Variants in FOXP2 observed in about 807,000 individuals in gnomAD.
The protein encoded by FOXP2 is forkhead box protein P2.
Under a neutral mutation model 115.8 loss-of-function variants are expected in FOXP2, and 12 were observed. The observed-to-expected ratio is 0.10, with a 90% CI of 0.07 to 0.17. FOXP2 has a LOEUF of 0.17. Among genes scored for constraint, FOXP2 ranks in the 10% least tolerant of loss-of-function variants. FOXP2 has a pLI of 1.00. For missense variants in FOXP2, 629 were observed against 843.5 expected (o/e 0.75, Z 3.15); for synonymous variants, 328 against 297.7 (o/e 1.10, Z -1.05).
At chr7:114,168,572 C>G (rs1389708287) in intron 1 of FOXP2, among the ~76,000 whole-genome samples, 4 of 152,100 alleles carry the variant, frequency 2.6e-5, no homozygotes, top group Non-Finnish European at 5.9e-5. Context: ...TAAAGGCATT[C>G]AATTTCATGA....
intron 16 of FOXP2, among the ~76,000 whole-genome samples, chr7:114,680,201 A>G (rs543673521): frequency 2.4e-4 from 36 of 152,212 alleles, no homozygotes; most frequent in Non-Finnish European, 5.0e-4. Flanking sequence ...GGAGCTGGCT[A>G]TGCCTTTTTA....
chr7:114,690,279 A>C lies in FOXP2; in HGVS notation c.*353A>C, dbSNP rs1279078178. Reference sequence around the variant, plus strand: ...CTGAATATGAGGATACATGTCCTGTAGAAAGCAAATGCGCCTCATATACTG... The same window carrying C: ...CTGAATATGAGGATACATGTCCTGTCGAAAGCAAATGCGCCTCATATACTG... On this transcript the variant is annotated 3_prime_UTR_variant, in exon 17 of 17. Transcript: ENST00000350908. The C allele has an allele frequency of 2.2e-6, 1 of 461,116 alleles. No homozygotes were observed. The highest frequency in any genetic ancestry group is 2.3e-5 in the Admixed American group (1 of 42,710). 28.6% of individuals were successfully genotyped at this position (461,116 alleles called of 1,614,324 possible).
chr7:114,303,921 C>T (rs1796937889), intron 2 of FOXP2, among the ~76,000 whole-genome samples: 2 of 151,994 alleles, frequency 1.3e-5, no homozygotes, highest in Non-Finnish European at 2.9e-5. Context: ...CATTTTATGG[C>T]TGCAGGCTTT....
chr7:114,578,200 C>G (rs1801669785), intron 3 of FOXP2, among the ~76,000 whole-genome samples: 1 of 151,866 alleles, frequency 6.6e-6, no homozygotes, highest in Non-Finnish European at 1.5e-5. Context: ...CTCTTAAACT[C>G]TTTTATATTG....
chr7:114,250,853 T>C (rs535558813), intron 1 of FOXP2, among the ~76,000 whole-genome samples: 1 of 152,362 alleles, frequency 6.6e-6, no homozygotes, highest in South Asian at 2.1e-4. Context: ...TTTGGTGTTT[T>C]AGACATGAAG....
intron 2 of FOXP2, among the ~76,000 whole-genome samples, chr7:114,474,307 T>G (rs1240558946): frequency 6.6e-6 from 1 of 152,206 alleles, no homozygotes; most frequent in Non-Finnish European, 1.5e-5. Context: ...GGCACTATTT[T>G]GTCTATGTCT....
At chr7:114,375,399 G>T (rs186164676) in intron 2 of FOXP2, among the ~76,000 whole-genome samples, 343 of 152,272 alleles carry the variant, frequency 2.3e-3, no homozygotes, top group Admixed American at 3.8e-3. Context: ...TTAAGTTAAT[G>T]CAGTAGCTAG....
intron 6 of FOXP2, among the ~76,000 whole-genome samples, chr7:114,636,179 T>A (rs1805206310): frequency 6.6e-6 from 1 of 152,152 alleles, no homozygotes; most frequent in Non-Finnish European, 1.5e-5. Flanking sequence ...TGAAGGATAC[T>A]CCAGAAACTG....
At position 114,298,712 on chromosome 7, in the gene FOXP2, G is replaced by A. The variant is rs142997706; in HGVS notation, c.-11+10603G>A. 5.3e-3 allele frequency among the ~76,000 whole-genome samples: 813 copies of A among 152,210 alleles called. 9 individuals carry two copies. The highest frequency in any genetic ancestry group is 0.018 in the African/African-American group (751 of 41,542). On this transcript the variant is annotated intron_variant, in intron 2 of 17. Coordinates refer to the FOXP2 transcript ENST00000634411. Reference sequence around the variant, plus strand: ...AATCTCTCCAGTAGTCTATTGCCCAGGACAATTGAACAACTTCTCTTCTCA... The same window carrying A: ...AATCTCTCCAGTAGTCTATTGCCCAAGACAATTGAACAACTTCTCTTCTCA...
At chr7:114,424,990 A>G (rs1425066838) in intron 1 of FOXP2, among the ~76,000 whole-genome samples, 1 of 151,456 alleles carries the variant, frequency 6.6e-6, no homozygotes, top group Non-Finnish European at 1.5e-5. Context: ...TATCTGTTAA[A>G]ACTATGATAC....
chr7:114,333,546 A>T (rs1302611490), intron 2 of FOXP2, among the ~76,000 whole-genome samples: 1 of 152,222 alleles, frequency 6.6e-6, no homozygotes, highest in Non-Finnish European at 1.5e-5. Flanking sequence ...TGAGACCAGG[A>T]GTTCGAGATC....
chr7:114,117,347 G>A (rs1048784406), intron 1 of FOXP2, among the ~76,000 whole-genome samples: 5 of 151,396 alleles, frequency 3.3e-5, no homozygotes, highest in African/African-American at 4.9e-5. Flanking sequence ...CTAGCCTCCC[G>A]AGTAGCTGGG....
chr7:114,235,250 A>G (rs1794981336), intron 1 of FOXP2, among the ~76,000 whole-genome samples: 1 of 151,992 alleles, frequency 6.6e-6, no homozygotes, highest in Non-Finnish European at 1.5e-5. Context: ...TCTTATGTCT[A>G]TGTTCATTGT....
At chr7:114,422,988 C>T (rs1793683686) in intron 1 of FOXP2, among the ~76,000 whole-genome samples, 1 of 151,600 alleles carries the variant, frequency 6.6e-6, no homozygotes, top group Admixed American at 6.6e-5. Context: ...AACACAAAAG[C>T]ACTGTTGTGA....
intron 1 of FOXP2, among the ~76,000 whole-genome samples, chr7:114,098,103 G>C (rs1486002843): frequency 1.3e-5 from 2 of 152,148 alleles, no homozygotes; most frequent in African/African-American, 4.8e-5. Flanking sequence ...ATATAGACAG[G>C]CTGCCAAGAA....
Position 114,641,230 on chromosome 7 carries a change from A to T in FOXP2, c.776-1180A>T, listed in dbSNP as rs1442562218. Among the ~76,000 whole-genome samples the T allele has an allele frequency of 3.9e-5, 6 of 152,328 alleles. No individual in the cohort carries two copies. The East Asian group carries it at 9.6e-4, about 24-fold the overall frequency. ...GTTTGTACTGAGGATTAAAAAGCAC[A>T]AGGTCTATAAAAAATATACAAAGAC... On this transcript the variant is annotated intron_variant, in intron 6 of 16. Coordinates refer to ENST00000350908, the MANE Select transcript of FOXP2 (RefSeq NM_014491.4).
At chr7:114,185,498 A>G (rs971563831) in intron 1 of FOXP2, among the ~76,000 whole-genome samples, 1 of 152,216 alleles carries the variant, frequency 6.6e-6, no homozygotes, top group African/African-American at 2.4e-5. Flanking sequence ...CACTTAGCCT[A>G]GTGCCTGGAA....
chr7:114,357,510 C>A (rs937816142), intron 2 of FOXP2, among the ~76,000 whole-genome samples: 1 of 152,112 alleles, frequency 6.6e-6, no homozygotes, highest in Non-Finnish European at 1.5e-5. Flanking sequence ...TAAGGCTAAT[C>A]CTAAGGCTGT....
At chr7:114,220,025 C>G (rs1794583586) in intron 1 of FOXP2, among the ~76,000 whole-genome samples, 1 of 147,462 alleles carries the variant, frequency 6.8e-6, no homozygotes, top group South Asian at 2.1e-4. Flanking sequence ...CACCACCATG[C>G]TCAGCTAATT....
Sources: gnomAD v4.1 joint callset for allele counts (sites outside exome capture counted in the v4.1 genomes callset) on GRCh38, gnomAD v4.1.1 for gene constraint, MANE v1.5 for transcripts, NCBI Gene and HGNC (gene_info 2026-07-23, HGNC 2026-07-21) for gene names.